Variants in ADAD1 observed in about 807,000 individuals in gnomAD.
ADAD1 encodes adenosine deaminase domain-containing protein 1.
In ADAD1, 46 loss-of-function variants were observed where a neutral mutation model predicts 66.8. The observed-to-expected ratio is 0.69, with a 90% CI of 0.54 to 0.88. The LOEUF is 0.88. ADAD1 is among the 40% of genes least tolerant of loss of function. ADAD1 has a pLI of 0.00. For synonymous variants in ADAD1, 248 were observed against 229.4 expected, an observed-to-expected ratio of 1.08 and a Z score of -0.73; for missense variants, 617 against 681.8, an observed-to-expected ratio of 0.91 and a Z score of 1.06.
At chr4:122,415,784 T>A (rs900816406) in intron 11 of ADAD1, among the ~76,000 whole-genome samples, 168 bp downstream of exon 11, 1 of 152,174 alleles carries the variant, frequency 6.6e-6, no homozygotes, top group African/African-American at 2.4e-5. Flanking sequence ...ATTTTAAAAA[T>A]TTTTTAATTT....
At position 122,411,590 on chromosome 4, in the gene ADAD1, G is replaced by A. The variant is rs188212855; in HGVS notation, c.1019+198G>A. ...CTAATCTATTACTTCTACAGGTTGA[G>A]CTTCCCAAATCCAAAAGTCTGAGAT... On this transcript the variant is annotated intron_variant, in intron 9 of 12. Transcript: ENST00000296513. 9.1e-4 allele frequency among the ~76,000 whole-genome samples: 139 copies of A among 152,162 alleles called. 1 individual carries two copies. In the East Asian group the frequency reaches 0.025, roughly 27 times the overall value.
intron 6 of ADAD1, among the ~76,000 whole-genome samples, chr4:122,394,864 G>A (rs541432432): frequency 6.6e-6 from 1 of 152,292 alleles, no homozygotes; most frequent in South Asian, 2.1e-4. Context: ...AGGTTTGGTA[G>A]GCTTAGGTCA....
In ADAD1 at chr4:122,411,393, G is replaced by A; in HGVS notation, c.1019+1G>A. On this transcript the variant is annotated splice_donor_variant, in intron 9 of 12. Transcript: ENST00000296513. LOFTEE classifies it high-confidence loss of function. ...GATCAGCCCAGATTAAGTCACAGTT[G>A]TAAGTATTATAGAAGTTGTTTTTAA... 6.2e-7 allele frequency: 1 copy of A among 1,607,516 alleles called. No homozygotes were observed. The highest frequency in any genetic ancestry group is 8.5e-7 in the Non-Finnish European group (1 of 1,178,126).
At chr4:122,395,486 G>T (rs1449308460) in intron 6 of ADAD1, among the ~76,000 whole-genome samples, 16 of 151,924 alleles carry the variant, frequency 1.1e-4, no homozygotes, top group Admixed American at 8.5e-4. Context: ...TTCAAGACCA[G>T]TCTGGCCAAT....
intron 7 of ADAD1, among the ~76,000 whole-genome samples, chr4:122,402,019 C>CTATTCA (rs917870530): frequency 6.6e-6 from 1 of 151,128 alleles, no homozygotes; most frequent in Non-Finnish European, 1.5e-5. Flanking sequence ...GGGTACTGTT[C>CTATTCA]TATTCATCAT....
rs1795558858 is a variant in ADAD1 at position 122,393,623 on chromosome 4, A to G, written c.564A>G (p.Leu188=). The change falls in exon 6 of 13, where the codon TTA becomes TTG. Residue 188 remains leucine (L), a synonymous_variant. Transcript: ENST00000296513. ...CTTTCCCTGCAGAACCTGTTGTTTT[A>G]TCTGAACTAGCATATGTTTCAAAAG... ...PPPFPAEPVV[L]SELAYVSKVH... 10 of 1,602,688 alleles carry G rather than the reference A, an allele frequency of 6.2e-6. No individual in the cohort carries two copies. The highest frequency in any genetic ancestry group is 7.7e-6 in the Non-Finnish European group (9 of 1,175,714).
At chr4:122,429,142 CAAG>C (rs1182638182) in intron 12 of ADAD1, among the ~76,000 whole-genome samples, 3 of 148,086 alleles carry the variant, frequency 2.0e-5, no homozygotes, top group Admixed American at 1.3e-4. Flanking sequence ...AAAAAAAGAA[CAAG>C]AAGAAAAACT....
At position 122,393,667 on chromosome 4, in the gene ADAD1, T is replaced by A; in HGVS notation, c.598+10T>A. ...TCAAAAGTACATTATGGTAGGAAAG[T>A]TTTTTGTGACGTTCTTCTTTAGAAG... On this transcript the variant is annotated intron_variant, in intron 6 of 12. Coordinates refer to ENST00000296513, the MANE Select transcript of ADAD1 (RefSeq NM_139243.4). 3 of 1,577,008 alleles carry A rather than the reference T, an allele frequency of 1.9e-6. No individual in the cohort carries two copies. Among genetic ancestry groups the A allele is most frequent in the East Asian group, 2.3e-5 (1 of 43,736 alleles).
intron 12 of ADAD1, among the ~76,000 whole-genome samples, chr4:122,429,391 AC>A (rs1366345452): frequency 6.6e-6 from 1 of 152,030 alleles, no homozygotes; most frequent in Non-Finnish European, 1.5e-5. Context: ...CCATACTCCA[AC>A]CTGCATGACA....
intron 12 of ADAD1, among the ~76,000 whole-genome samples, chr4:122,426,466 T>G (rs879280561): frequency 2.6e-5 from 4 of 152,110 alleles, no homozygotes; most frequent in Non-Finnish European, 5.9e-5. Context: ...AGAAAACACT[T>G]CTCTACTCAT....
intron 5 of ADAD1, among the ~76,000 whole-genome samples, chr4:122,385,333 T>G (rs1207764008): frequency 1.3e-5 from 2 of 152,086 alleles, no homozygotes; most frequent in Non-Finnish European, 2.9e-5. Context: ...AGTGCAGTGG[T>G]GCGATCTCTG....
chr4:122,383,287 C>T (rs941270071), intron 4 of ADAD1, among the ~76,000 whole-genome samples: 1 of 152,134 alleles, frequency 6.6e-6, no homozygotes, highest in Non-Finnish European at 1.5e-5. Context: ...TTATAATGCC[C>T]TGATAGTACA....
At position 122,411,253 on chromosome 4, in the gene ADAD1, A is replaced by T; in HGVS notation, c.880A>T (p.Ser294Cys). 6.2e-7 allele frequency: 1 copy of T among 1,607,696 alleles called. No individual in the cohort carries two copies. Among genetic ancestry groups the T allele is most frequent in the Non-Finnish European group, 8.5e-7 (1 of 1,178,322 alleles). The change falls in exon 9 of 13, where the codon AGC (serine) becomes TGC (cysteine). Residue 294 changes from serine to cysteine, a missense_variant. Ser to Cys is a moderately radical substitution (Grantham distance 112). Transcript: ENST00000296513. ...YFYRQLLLFYSKNPAMMEKSI... is the reference protein window; with the variant it reads ...YFYRQLLLFYCKNPAMMEKSI... ...TTATAGACAACTTCTGCTCTTCTACAGCAAAAATCCTGCTATGATGGAAAA... is the reference window on the plus strand; with the variant it reads ...TTATAGACAACTTCTGCTCTTCTACTGCAAAAATCCTGCTATGATGGAAAA...
intron 9 of ADAD1, among the ~76,000 whole-genome samples, chr4:122,411,873 C>A (rs1796482911): frequency 6.6e-6 from 1 of 152,164 alleles, no homozygotes; most frequent in South Asian, 2.1e-4. Context: ...AAAAAATCTT[C>A]TACTCCTTTC....
intron 12 of ADAD1, among the ~76,000 whole-genome samples, chr4:122,427,523 CTTTTTTTTTTTT>C (rs59864757): frequency 8.3e-5 from 6 of 71,980 alleles, no homozygotes; most frequent in Non-Finnish European, 1.2e-4. Flanking sequence ...ATCCAAAGGC[CTTTTTTTTTTTT>C]TTTTTTTTTT....
chr4:122,427,195 CA>C (rs1161971656), intron 12 of ADAD1, among the ~76,000 whole-genome samples: 2 of 152,098 alleles, frequency 1.3e-5, no homozygotes, highest in Non-Finnish European at 2.9e-5. Flanking sequence ...AATGAATGCT[CA>C]AAAAATTGAG....
intron 5 of ADAD1, 51 bp from the exon 6 acceptor site, chr4:122,393,538 C>T: frequency 1.4e-6 from 2 of 1,479,334 alleles, no homozygotes; most frequent in Non-Finnish European, 1.8e-6. Flanking sequence ...AATACCAGCT[C>T]TTTGGAATGT....
intron 6 of ADAD1, 93 bp downstream of exon 6, chr4:122,393,750 T>A: frequency 1.1e-6 from 1 of 946,662 alleles, no homozygotes; most frequent in East Asian, 2.7e-5. Flanking sequence ...TATGAAAATG[T>A]ACATTAACAC....
intron 7 of ADAD1, among the ~76,000 whole-genome samples, chr4:122,399,328 AT>A (rs1350068049): frequency 6.6e-6 from 1 of 151,650 alleles, no homozygotes; most frequent in African/African-American, 2.4e-5. Context: ...ATTCTGTTCC[AT>A]TATTCTGCGT....
Sources: allele counts gnomAD v4.1 joint callset (sites outside exome capture counted in the v4.1 genomes callset), GRCh38; gene constraint gnomAD v4.1.1; transcripts MANE v1.5; gene names NCBI Gene and HGNC (gene_info 2026-07-23, HGNC 2026-07-21).